The following RGS3 variants were observed in gnomAD, a reference collection of about 807,000 sequenced individuals.
The protein encoded by RGS3 is regulator of G protein signaling 3.
Under a neutral mutation model 132.6 loss-of-function variants are expected in RGS3, and 80 were observed. That is an observed-to-expected ratio of 0.60 (90% CI 0.50 to 0.73). The LOEUF (loss-of-function observed/expected upper bound fraction) is 0.73, where lower values mean the gene tolerates loss of function less well. Among genes scored for constraint, RGS3 ranks in the 30% least tolerant of loss-of-function variants. The probability of loss-of-function intolerance (pLI) is 0.00; values close to 1 mark genes in which losing one functional copy is unlikely to be tolerated. For synonymous variants in RGS3, 598 were observed against 620.6 expected, an observed-to-expected ratio of 0.96 and a Z score of 0.54; for missense variants, 1,382 against 1,530.8, an observed-to-expected ratio of 0.90 and a Z score of 1.62.
chr9:113,536,707 C>T (rs955392025), intron 18 of RGS3, 89 bp from the exon 17 acceptor site: 1 of 1,551,898 alleles, frequency 6.4e-7, no homozygotes, highest in Admixed American at 1.8e-5. Context: ...GCCTCACCCT[C>T]TGGAGCCCAG....
At chr9:113,473,281 C>G (rs911411242) in intron 3 of RGS3, among the ~76,000 whole-genome samples, 6 of 152,154 alleles carry the variant, frequency 3.9e-5, no homozygotes, top group Admixed American at 1.3e-4. Flanking sequence ...AATTTTAAAC[C>G]CATGATAGGT....
intron 7 of RGS3, among the ~76,000 whole-genome samples, chr9:113,489,736 C>T (rs1354954083): frequency 4.6e-5 from 7 of 151,006 alleles, no homozygotes; most frequent in African/African-American, 1.7e-4. Flanking sequence ...TGCTATGTTG[C>T]CCAGGCTGGT....
At chr9:113,498,742 T>A (rs1456731384) in intron 10 of RGS3, among the ~76,000 whole-genome samples, 1 of 149,024 alleles carries the variant, frequency 6.7e-6, no homozygotes, top group African/African-American at 2.5e-5. Flanking sequence ...CGGTGAAACC[T>A]TGTCTCTACT....
At chr9:113,490,290 A>G (rs368993152) in intron 7 of RGS3, among the ~76,000 whole-genome samples, 1 of 152,240 alleles carries the variant, frequency 6.6e-6, no homozygotes, top group East Asian at 1.9e-4. Context: ...TTATCAATAT[A>G]TGGCCAATCT....
chr9:113,594,694 C>T (rs907297887), intron 22 of RGS3, among the ~76,000 whole-genome samples, 163 bp downstream of exon 20: 1 of 152,082 alleles, frequency 6.6e-6, no homozygotes, highest in Non-Finnish European at 1.5e-5. Flanking sequence ...AGCAGCTACC[C>T]TCACAGGGAG....
intron 20 of RGS3, among the ~76,000 whole-genome samples, chr9:113,587,206 C>T (rs1408728351): frequency 1.3e-5 from 2 of 149,872 alleles, no homozygotes; most frequent in Non-Finnish European, 3.0e-5. Context: ...GCCCTAGACT[C>T]TGAGACCTCA....
rs765785001 is a variant in RGS3 at position 113,591,428 on chromosome 9, T to C, written c.3080+31T>C. On this transcript the variant is annotated intron_variant, in intron 21 of 24. Coordinates refer to ENST00000350696, the Ensembl canonical transcript of RGS3. The surrounding 1 kb of genome is among the most constrained non-coding windows in gnomAD (Gnocchi z 4.4). ...TTGGGAAGATCCCTGGCTTCTGCGC[T>C]CCTCTTCCTCCCTTGCCCCAGGGCT... The C allele has an allele frequency of 1.3e-6, 2 of 1,590,904 alleles. No individual in the cohort carries two copies. Among genetic ancestry groups the C allele is most frequent in the Non-Finnish European group, 8.6e-7 (1 of 1,159,582 alleles).
At chr9:113,590,019 G>T (rs1335298999) in intron 20 of RGS3, 1 of 152,192 alleles carries the variant, frequency 6.6e-6, no homozygotes, top group African/African-American at 2.4e-5. Context: ...AACTCTGGTG[G>T]GGCAGCATTC....
chr9:113,446,093 G>C (rs1246056345), intron 1 of RGS3, among the ~76,000 whole-genome samples: 4 of 152,180 alleles, frequency 2.6e-5, no homozygotes, highest in African/African-American at 9.6e-5. Context: ...GGAATTGCTT[G>C]ATAAATTAAG....
At chr9:113,466,338 G>T (rs1433211671) in intron 3 of RGS3, among the ~76,000 whole-genome samples, 1 of 152,248 alleles carries the variant, frequency 6.6e-6, no homozygotes, top group East Asian at 1.9e-4. Flanking sequence ...TTAGCTGGTA[G>T]TTTCCTGAGC....
intron 18 of RGS3, among the ~76,000 whole-genome samples, chr9:113,536,295 G>A (rs780295070): frequency 2.0e-5 from 3 of 152,188 alleles, no homozygotes; most frequent in Admixed American, 6.5e-5. Context: ...TTGCTGTTTG[G>A]GTTCTGTTGG....
intron 2 of RGS3, chr9:113,462,006 A>G: frequency 6.2e-7 from 1 of 1,612,000 alleles, no homozygotes; most frequent in Non-Finnish European, 8.5e-7. Flanking sequence ...TCATGCTCCC[A>G]TCTTGCTCCT....
At chr9:113,496,829 G>A (rs1420232596) in intron 8 of RGS3, among the ~76,000 whole-genome samples, 1 of 152,158 alleles carries the variant, frequency 6.6e-6, no homozygotes, top group Non-Finnish European at 1.5e-5. Flanking sequence ...GGGATTACAG[G>A]TGTGAGCCAC....
At chr9:113,447,885 T>C (rs991962827) in intron 1 of RGS3, among the ~76,000 whole-genome samples, 6 of 150,622 alleles carry the variant, frequency 4.0e-5, no homozygotes, top group Admixed American at 4.0e-4. Flanking sequence ...GGTCCCGCTC[T>C]GTTGCCCAGG....
chr9:113,566,506 A>C (rs1834018174), intron 19 of RGS3, among the ~76,000 whole-genome samples: 1 of 152,102 alleles, frequency 6.6e-6, no homozygotes, highest in Non-Finnish European at 1.5e-5. Context: ...ATAAATCTGG[A>C]CCCAGAAAGG....
intron 18 of RGS3, 196 bp from the exon 17 acceptor site, chr9:113,536,600 C>T: frequency 3.5e-6 from 5 of 1,423,088 alleles, no homozygotes; most frequent in Non-Finnish European, 4.6e-6. Context: ...CGCCAGCTGG[C>T]CCTTGAACCC....
intron 19 of RGS3, among the ~76,000 whole-genome samples, chr9:113,555,822 CACTTA>C (rs1833544094): frequency 2.0e-5 from 3 of 152,180 alleles, no homozygotes; most frequent in Admixed American, 2.0e-4. Context: ...CTTAAAATTG[CACTTA>C]ACTTTCAGTT....
At chr9:113,563,019 G>T (rs974028041) in intron 19 of RGS3, among the ~76,000 whole-genome samples, 9 of 152,216 alleles carry the variant, frequency 5.9e-5, no homozygotes, top group Non-Finnish European at 1.0e-4. Context: ...GGAGGCAGAG[G>T]GCAGTGGCTG....
chr9:113,472,608 G>C (rs1160925936), intron 3 of RGS3, among the ~76,000 whole-genome samples: 1 of 152,202 alleles, frequency 6.6e-6, no homozygotes, highest in Non-Finnish European at 1.5e-5. Flanking sequence ...TGGTTGACAA[G>C]GGCTGAGGGG....
Sources: gnomAD v4.1 joint callset for allele counts (sites outside exome capture counted in the v4.1 genomes callset) on GRCh38, gnomAD v4.1.1 for gene constraint, Gnocchi (gnomAD v3.1) non-coding constraint, MANE v1.5 for transcripts, NCBI Gene and HGNC (gene_info 2026-07-23, HGNC 2026-07-21) for gene names.